The following AGBL1 variants were observed in gnomAD, a reference collection of about 807,000 sequenced individuals.
AGBL1 encodes the protein AGBL carboxypeptidase 1.
Under a neutral mutation model 118.9 loss-of-function variants are expected in AGBL1, and 130 were observed. The ratio of observed to expected loss-of-function variants is 1.09; its 90% CI spans 0.95 to 1.26. The LOEUF (loss-of-function observed/expected upper bound fraction) is 1.26. AGBL1 is among the 50% of genes most tolerant of loss of function. The pLI is 0.00. For synonymous variants in AGBL1, 555 were observed against 478.9 expected (o/e 1.16, Z -2.08); for missense variants, 1,584 against 1,298.1 (o/e 1.22, Z -3.38).
At chr15:86,996,619 T>C (rs1481543019) in intron 24 of AGBL1, among the ~76,000 whole-genome samples, 1 of 152,154 alleles carries the variant, frequency 6.6e-6, no homozygotes, top group African/African-American at 2.4e-5. Flanking sequence ...ATACCTAGCA[T>C]ATACCTAAGA....
chr15:86,743,276 A>G (rs1038983664), intron 22 of AGBL1, among the ~76,000 whole-genome samples: 1 of 152,176 alleles, frequency 6.6e-6, no homozygotes, highest in Non-Finnish European at 1.5e-5. Context: ...AACATTTGTT[A>G]TAATGGAAGG....
At chr15:86,241,063 A>G (rs2078634014) in intron 6 of AGBL1, among the ~76,000 whole-genome samples, 1 of 152,144 alleles carries the variant, frequency 6.6e-6, no homozygotes, top group African/African-American at 2.4e-5. Context: ...GGCACCTGGT[A>G]TAAAATGGGG....
intron 18 of AGBL1, among the ~76,000 whole-genome samples, chr15:86,426,185 C>T (rs753028994): frequency 1.9e-4 from 29 of 152,128 alleles, no homozygotes; most frequent in Non-Finnish European, 3.5e-4. Context: ...GATTTGTACT[C>T]TGAAAGACTG....
At chr15:86,825,806 A>G (rs1221462365) in intron 22 of AGBL1, among the ~76,000 whole-genome samples, 1 of 151,708 alleles carries the variant, frequency 6.6e-6, no homozygotes, top group Non-Finnish European at 1.5e-5. Context: ...TTTAAGTGAT[A>G]GCACTAAATA....
At chr15:86,564,033 T>A (rs1301217440) in intron 21 of AGBL1, among the ~76,000 whole-genome samples, 1 of 152,222 alleles carries the variant, frequency 6.6e-6, no homozygotes, top group African/African-American at 2.4e-5. Flanking sequence ...TTTCTGAACG[T>A]GAGATGGGTC....
intron 23 of AGBL1, among the ~76,000 whole-genome samples, chr15:86,927,408 G>A (rs2080554852): frequency 1.5e-5 from 2 of 135,110 alleles, no homozygotes; most frequent in South Asian, 5.7e-4. Flanking sequence ...GGGCAATAAA[G>A]GGAGACCCCA....
chr15:86,236,984 G>A (rs2078561727), intron 6 of AGBL1, among the ~76,000 whole-genome samples: 2 of 141,982 alleles, frequency 1.4e-5, no homozygotes, highest in Non-Finnish European at 3.0e-5. Context: ...GCACATGTTG[G>A]GGCAAGGGCA....
chr15:86,965,111 T>C (rs911974953), intron 23 of AGBL1, among the ~76,000 whole-genome samples: 6 of 152,190 alleles, frequency 3.9e-5, no homozygotes, highest in Non-Finnish European at 1.5e-5. Context: ...TGTATTTTTA[T>C]AGAAGAATGA....
intron 17 of AGBL1, among the ~76,000 whole-genome samples, chr15:86,364,127 A>G (rs1413793068): frequency 6.6e-6 from 1 of 152,168 alleles, no homozygotes; most frequent in Non-Finnish European, 1.5e-5. Context: ...ATACTCTGGA[A>G]TAATCATTCT....
intron 22 of AGBL1, among the ~76,000 whole-genome samples, chr15:86,722,100 C>T (rs1347621504): frequency 6.6e-6 from 1 of 152,164 alleles, no homozygotes; most frequent in South Asian, 2.1e-4. Context: ...TTTATAGATT[C>T]AATGCCATCC....
At chr15:86,430,737 A>G (rs2081926256) in intron 18 of AGBL1, among the ~76,000 whole-genome samples, 1 of 152,186 alleles carries the variant, frequency 6.6e-6, no homozygotes, top group African/African-American at 2.4e-5. Context: ...TCCACAGGTG[A>G]TAATTGGGGT....
intron 23 of AGBL1, among the ~76,000 whole-genome samples, chr15:86,980,885 C>CTTTTTTTTTTTTT (rs36077192): frequency 5.0e-5 from 6 of 118,986 alleles, no homozygotes; most frequent in African/African-American, 6.7e-5. Flanking sequence ...CAGAAACATC[C>CTTTTTTTTTTTTT]TTTTTTTTTT....
At chr15:86,212,585 A>G (rs1196719366) in intron 5 of AGBL1, among the ~76,000 whole-genome samples, 2 of 152,242 alleles carry the variant, frequency 1.3e-5, no homozygotes, top group African/African-American at 2.4e-5. Context: ...CTGAGAGATT[A>G]TAGCCCATGT....
chr15:86,263,915 A>C (rs970186096), intron 10 of AGBL1, among the ~76,000 whole-genome samples: 1 of 152,160 alleles, frequency 6.6e-6, no homozygotes, highest in African/African-American at 2.4e-5. Flanking sequence ...TTTTCAAATA[A>C]ACAGAATTAT....
chr15:86,730,724 A>C lies in AGBL1; in HGVS notation c.3158+56288A>C, dbSNP rs533420020. 3.7e-4 allele frequency among the ~76,000 whole-genome samples: 56 copies of C among 152,334 alleles called. No homozygotes were observed. In the South Asian group the frequency reaches 0.011, roughly 31 times the overall value. On this transcript the variant is annotated intron_variant, in intron 22 of 22. Coordinates refer to ENST00000614907, the MANE Select transcript of AGBL1 (RefSeq NM_001386094.1). ...TTGGAAAAAAATAAGAATGCATGGGAATGGACTTTACAAGTGGTAAAGAGA... is the reference window on the plus strand; with the variant it reads ...TTGGAAAAAAATAAGAATGCATGGGCATGGACTTTACAAGTGGTAAAGAGA...
intron 18 of AGBL1, among the ~76,000 whole-genome samples, chr15:86,438,692 C>G (rs554747794): frequency 7.1e-6 from 1 of 140,212 alleles, no homozygotes; most frequent in South Asian, 2.2e-4. Flanking sequence ...GGTGGAGTCT[C>G]GCTCTGTCAC....
In AGBL1 at chr15:86,827,938, C is replaced by CTTTTTTTTTTT. The variant is rs71144074; in HGVS notation, c.3159-79139_3159-79129dup. 3.7e-3 allele frequency among the ~76,000 whole-genome samples: 62 copies of CTTTTTTTTTTT among 16,754 alleles called. 12 individuals are homozygous for CTTTTTTTTTTT. Among genetic ancestry groups the CTTTTTTTTTTT allele is most frequent in the South Asian group, 8.1e-3 (3 of 372 alleles). The allele number at this position is 16,754 out of a possible 152,430, so 11.0% of individuals were successfully genotyped here. ...ATAGTCTCTGGCACTTGATGTAGGG[C>CTTTTTTTTTTT]TTTTTTTTTTTTTTTTTTTTGAGAC... is the stretch of plus-strand genomic sequence containing the variant. On this transcript the variant is annotated intron_variant, in intron 22 of 22. Transcript: ENST00000614907.
chr15:86,878,853 T>A (rs1003822831), intron 22 of AGBL1, among the ~76,000 whole-genome samples: 1 of 152,246 alleles, frequency 6.6e-6, no homozygotes, highest in African/African-American at 2.4e-5. Context: ...GAGCAGCTCC[T>A]CCTCTCTGTT....
chr15:86,293,965 G>C (rs2079590418), intron 16 of AGBL1, among the ~76,000 whole-genome samples: 1 of 152,116 alleles, frequency 6.6e-6, no homozygotes, highest in Non-Finnish European at 1.5e-5. Context: ...TTGTGCTACA[G>C]AGGGGGCAGT....
Sources: allele counts gnomAD v4.1 joint callset (sites outside exome capture counted in the v4.1 genomes callset), GRCh38; gene constraint gnomAD v4.1.1; transcripts MANE v1.5; gene names NCBI Gene and HGNC (gene_info 2026-07-23, HGNC 2026-07-21).